Variants in CDH2 observed in about 807,000 individuals in gnomAD.
CDH2 encodes cadherin 2, also known as cadherin-2.
In CDH2, 17 loss-of-function variants were observed where a neutral mutation model predicts 92.0. The observed-to-expected ratio is 0.18, with a 90% confidence interval of 0.13 to 0.28. CDH2 has a LOEUF of 0.28. CDH2 is among the 10% of genes least tolerant of loss of function. The probability of loss-of-function intolerance (pLI) is 1.00; values close to 1 mark genes in which losing one functional copy is unlikely to be tolerated. For missense variants in CDH2, 862 were observed against 1,133.1 expected (o/e 0.76, Z 3.44); for synonymous variants, 419 against 415.9 (o/e 1.01, Z -0.09).
At chr18:27,939,397 G>A (rs1275191441) in intron 6 of CDH2, among the ~76,000 whole-genome samples, 2 of 152,128 alleles carry the variant, frequency 1.3e-5, no homozygotes, top group Non-Finnish European at 2.9e-5. Context: ...ACACACGAAA[G>A]GAGAAACAGC....
chr18:28,044,102 A>G (rs1234682), intron 2 of CDH2, among the ~76,000 whole-genome samples: 80,943 of 151,392 alleles, frequency 0.53, 22,268 homozygotes, highest in African/African-American at 0.67. Context: ...TAGTAGAGAT[A>G]GGTTTTCACC....
intron 2 of CDH2, among the ~76,000 whole-genome samples, chr18:28,110,130 C>T (rs1268500996): frequency 1.3e-5 from 2 of 152,196 alleles, no homozygotes; most frequent in Admixed American, 6.5e-5. Context: ...CATGTAAACA[C>T]ATGAAATGAG....
chr18:28,160,102 A>G (rs1333124349), intron 1 of CDH2, among the ~76,000 whole-genome samples: 2 of 152,100 alleles, frequency 1.3e-5, no homozygotes, highest in Non-Finnish European at 2.9e-5. Flanking sequence ...ACCACCACTT[A>G]GGTAGCTTAT....
intron 7 of CDH2, among the ~76,000 whole-genome samples, chr18:27,995,536 A>G (rs2012555274): frequency 6.6e-6 from 1 of 152,136 alleles, no homozygotes; most frequent in Admixed American, 6.5e-5. Flanking sequence ...AAACAGATGA[A>G]CATTCTCAAA....
intron 2 of CDH2, among the ~76,000 whole-genome samples, chr18:28,142,967 G>A (rs1035036014): frequency 6.6e-6 from 1 of 151,978 alleles, no homozygotes; most frequent in African/African-American, 2.4e-5. Flanking sequence ...CTAATAAAAA[G>A]TACTTCAGTT....
At chr18:27,978,746 A>C (rs1396652502) in intron 14 of CDH2, among the ~76,000 whole-genome samples, 1 of 152,074 alleles carries the variant, frequency 6.6e-6, no homozygotes, top group Non-Finnish European at 1.5e-5. Flanking sequence ...TCGACCTCCC[A>C]GGCTCAAGCA....
intron 2 of CDH2, among the ~76,000 whole-genome samples, chr18:28,043,465 T>A (rs1662716): frequency 0.13 from 6,655 of 52,678 alleles, 739 homozygotes; most frequent in African/African-American, 0.34. Context: ...TAAATAAATA[T>A]ATATATATAT....
At chr18:28,063,046 A>G (rs488190) in intron 2 of CDH2, among the ~76,000 whole-genome samples, 10,724 of 152,282 alleles carry the variant, frequency 0.07, 812 homozygotes, top group African/African-American at 0.19. Flanking sequence ...ATTTTTAAAA[A>G]GCAGTAATTT....
intron 2 of CDH2, among the ~76,000 whole-genome samples, chr18:28,078,294 T>A (rs2014763761): frequency 6.6e-6 from 1 of 152,144 alleles, no homozygotes; most frequent in Non-Finnish European, 1.5e-5. Context: ...GTGCAAACAC[T>A]ATATGATTTA....
chr18:28,066,424 T>C (rs1041526026), intron 2 of CDH2, among the ~76,000 whole-genome samples: 2 of 152,170 alleles, frequency 1.3e-5, no homozygotes, highest in African/African-American at 4.8e-5. Context: ...AAGGCTCTTA[T>C]GTTTAATGCA....
intron 2 of CDH2, among the ~76,000 whole-genome samples, chr18:28,145,998 TTATCC>T (rs1316667398): frequency 1.3e-5 from 2 of 152,128 alleles, no homozygotes; most frequent in African/African-American, 4.8e-5. Flanking sequence ...CTGTTTCTAG[TTATCC>T]TAAAAAGACA....
chr18:28,068,024 G>A (rs1367192060), intron 2 of CDH2, among the ~76,000 whole-genome samples: 6 of 152,082 alleles, frequency 3.9e-5, no homozygotes, highest in Admixed American at 3.9e-4. Context: ...AGTGACACCA[G>A]TGTAAAACCA....
rs189734283 is a variant in CDH2, at chr18:28,113,432, T to C, written c.172+34241A>G. Among the ~76,000 whole-genome samples, 139 of 148,826 alleles carry C rather than the reference T, an allele frequency of 9.3e-4. 1 individual carries two copies. The highest frequency in any genetic ancestry group is 3.3e-3 in the African/African-American group (134 of 40,224). The stretch of plus-strand genomic sequence containing the variant: ...TTAAATACCTACATAGTTAATCATC[T>C]GGAATGCAGAAGTGTCAATATACTG... On this transcript the variant is annotated intron_variant, in intron 2 of 15. Coordinates refer to ENST00000269141, the MANE Select transcript of CDH2 (RefSeq NM_001792.5).
At chr18:28,098,456 A>C (rs1337405670) in intron 2 of CDH2, among the ~76,000 whole-genome samples, 3 of 152,190 alleles carry the variant, frequency 2.0e-5, no homozygotes, top group African/African-American at 7.2e-5. Context: ...TCAACTGATC[A>C]ATACCTTGTT....
intron 1 of CDH2, among the ~76,000 whole-genome samples, chr18:28,158,096 TC>T (rs2016250005): frequency 6.6e-6 from 1 of 152,212 alleles, no homozygotes; most frequent in Admixed American, 6.5e-5. Context: ...ATGTTTACAG[TC>T]CCCGGAACTC....
At chr18:28,024,930 T>G (rs1299124511) in intron 2 of CDH2, among the ~76,000 whole-genome samples, 1 of 151,864 alleles carries the variant, frequency 6.6e-6, no homozygotes, top group African/African-American at 2.4e-5. Flanking sequence ...ATTAAGAAAA[T>G]TTACAAAATT....
chr18:28,043,706 C>T (rs1289661408), intron 2 of CDH2, among the ~76,000 whole-genome samples: 3 of 150,558 alleles, frequency 2.0e-5, no homozygotes, highest in Non-Finnish European at 4.4e-5. Context: ...TGAAAAGTCT[C>T]ATTCTGAGTT....
At chr18:27,956,020 T>C (rs1298254402) in intron 15 of CDH2, among the ~76,000 whole-genome samples, 2 of 152,116 alleles carry the variant, frequency 1.3e-5, no homozygotes, top group African/African-American at 2.4e-5. Flanking sequence ...TATAAACTCT[T>C]GGTAATATTT....
At chr18:28,145,758 C>T (rs926255655) in intron 2 of CDH2, among the ~76,000 whole-genome samples, 6 of 151,340 alleles carry the variant, frequency 4.0e-5, no homozygotes, top group African/African-American at 1.2e-4. Flanking sequence ...TCAAGCTTTA[C>T]GATGCTGGTA....
Sources: gnomAD v4.1 joint callset for allele counts (sites outside exome capture counted in the v4.1 genomes callset) on GRCh38, gnomAD v4.1.1 for gene constraint, MANE v1.5 for transcripts, NCBI Gene and HGNC (gene_info 2026-07-23, HGNC 2026-07-21) for gene names.